AGBL3: variants seen among roughly 807,000 people sequenced by gnomAD.
AGBL3 encodes AGBL carboxypeptidase 3.
In AGBL3, 68 loss-of-function variants were observed where a neutral mutation model predicts 94.5. The observed-to-expected ratio is 0.72, with a 90% CI of 0.59 to 0.88. The LOEUF (loss-of-function observed/expected upper bound fraction) is 0.88, where lower values mean the gene tolerates loss of function less well. Among genes scored for constraint, AGBL3 ranks in the 40% least tolerant of loss-of-function variants. The pLI is 0.00. For synonymous variants in AGBL3, 354 were observed against 370.7 expected, an observed-to-expected ratio of 0.95 and a Z score of 0.52; for missense variants, 934 against 1,103.8, an observed-to-expected ratio of 0.85 and a Z score of 2.18.
chr7:135,024,319 T>C lies in AGBL3; in HGVS notation c.418+7160T>C, dbSNP rs533367110. On this transcript the variant is annotated intron_variant, in intron 5 of 16. Transcript: ENST00000436302. ...AAAGAGCCCTATGGCTAAGAGCTTC[T>C]CTGCTGGCCATTACTCTCAAGCACC... Among the ~76,000 whole-genome samples the C allele has an allele frequency of 7.2e-5, 11 of 152,330 alleles. No homozygotes were observed. In the East Asian group the frequency reaches 1.9e-3, roughly 27 times the overall value.
intron 15 of AGBL3, among the ~76,000 whole-genome samples, chr7:135,098,002 T>G (rs1189937415): frequency 3.3e-5 from 5 of 152,186 alleles, no homozygotes; most frequent in Non-Finnish European, 7.4e-5. Context: ...ACATTCAATG[T>G]GCTTTAGATA....
intron 4 of AGBL3, among the ~76,000 whole-genome samples, chr7:135,002,376 T>A (rs1267465532): frequency 6.6e-6 from 1 of 152,154 alleles, no homozygotes; most frequent in Non-Finnish European, 1.5e-5. Context: ...ATAACACTCA[T>A]GAAGTACTGC....
chr7:135,015,894 G>T (rs1309745753), intron 4 of AGBL3, among the ~76,000 whole-genome samples: 1 of 150,802 alleles, frequency 6.6e-6, no homozygotes, highest in East Asian at 1.9e-4. Context: ...AGCCGGGCGT[G>T]GTGGCAGGCG....
chr7:135,115,927 C>G, intron 16 of AGBL3: 1 of 196,438 alleles, frequency 5.1e-6, no homozygotes, highest in Non-Finnish European at 1.0e-5. Flanking sequence ...GCCTTATAAT[C>G]CTATGGGGTA....
intron 10 of AGBL3, 98 bp downstream of exon 10, chr7:135,045,672 C>A (rs1746779320): frequency 7.4e-7 from 1 of 1,347,416 alleles, no homozygotes; most frequent in Non-Finnish European, 1.0e-6. Flanking sequence ...AATGTCCCAA[C>A]AGTGTTGTTG....
intron 12 of AGBL3, among the ~76,000 whole-genome samples, chr7:135,064,439 T>C (rs1037301195): frequency 3.9e-5 from 6 of 152,176 alleles, no homozygotes; most frequent in African/African-American, 1.4e-4. Context: ...CCTCAAGTGG[T>C]TAGTAGGGTC....
At chr7:134,997,640 T>C (rs1811177186) in intron 4 of AGBL3, among the ~76,000 whole-genome samples, 1 of 152,066 alleles carries the variant, frequency 6.6e-6, no homozygotes, top group Non-Finnish European at 1.5e-5. Flanking sequence ...ACCACCACAA[T>C]AAATCAATTG....
intron 3 of AGBL3, among the ~76,000 whole-genome samples, chr7:134,992,501 A>T (rs1005383171): frequency 6.6e-6 from 1 of 152,214 alleles, no homozygotes; most frequent in Non-Finnish European, 1.5e-5. Flanking sequence ...GTGTAAGCTC[A>T]TGATGGCAGG....
intron 4 of AGBL3, chr7:135,011,386 C>T (rs1399046443): frequency 6.6e-6 from 1 of 151,872 alleles, no homozygotes; most frequent in Admixed American, 6.6e-5. Flanking sequence ...ACAGAAAATA[C>T]CCTAAACCAT....
At chr7:135,088,776 T>G (rs1821538623) in intron 15 of AGBL3, among the ~76,000 whole-genome samples, 1 of 152,206 alleles carries the variant, frequency 6.6e-6, no homozygotes, top group Non-Finnish European at 1.5e-5. Flanking sequence ...TGTGACTTGA[T>G]GCTTTTCTCT....
intron 15 of AGBL3, among the ~76,000 whole-genome samples, chr7:135,107,109 T>C (rs1585153528): frequency 6.6e-6 from 1 of 152,058 alleles, no homozygotes; most frequent in African/African-American, 2.4e-5. Flanking sequence ...TTTTCTTCTT[T>C]ATTAGTCTAG....
chr7:135,045,430 T>A, intron 9 of AGBL3, 44 bp from the exon 10 acceptor site: 1 of 1,467,272 alleles, frequency 6.8e-7, no homozygotes, highest in Non-Finnish European at 9.3e-7. Flanking sequence ...TAAGAAAAAT[T>A]ATTAACTTAC....
chr7:135,017,288 T>A, intron 5 of AGBL3, 129 bp downstream of exon 5: 1 of 693,118 alleles, frequency 1.4e-6, no homozygotes, highest in Non-Finnish European at 2.5e-6. Flanking sequence ...AAGATGTTTG[T>A]TTATATATTG....
At chr7:135,117,889 T>A (rs945587855) in intron 16 of AGBL3, among the ~76,000 whole-genome samples, 4 of 152,204 alleles carry the variant, frequency 2.6e-5, no homozygotes, top group African/African-American at 4.8e-5. Flanking sequence ...TGGTTGCCAA[T>A]CAGATTATCT....
chr7:135,009,186 G>A (rs1042035390), intron 4 of AGBL3, among the ~76,000 whole-genome samples: 1 of 152,130 alleles, frequency 6.6e-6, no homozygotes, highest in African/African-American at 2.4e-5. Context: ...AAACGTTAAC[G>A]GCAGCATTTT....
rs1054721871 is a variant in AGBL3 at position 135,066,877 on chromosome 7, CGGACAGTGGGTGCA to C, written c.1908+7658_1908+7671del. Reference sequence around the variant, plus strand: ...ACAGGGTTCATCTCAATGGGGATGTCGGACAGTGGGTGCAGGACAGTGGGTGCAGTGCACCGAGC... The same window carrying C: ...ACAGGGTTCATCTCAATGGGGATGTCGGACAGTGGGTGCAGTGCACCGAGC... On this transcript the variant is annotated intron_variant, in intron 12 of 16. Coordinates refer to ENST00000436302, the MANE Select transcript of AGBL3 (RefSeq NM_178563.4). Among the ~76,000 whole-genome samples, 14 of 152,280 alleles carry C rather than the reference CGGACAGTGGGTGCA, an allele frequency of 9.2e-5. No homozygotes were observed. The South Asian group carries it at 1.0e-3, about 11-fold the overall frequency.
intron 4 of AGBL3, among the ~76,000 whole-genome samples, chr7:135,004,194 A>G (rs1402386909): frequency 6.6e-6 from 1 of 151,678 alleles, no homozygotes; most frequent in Non-Finnish European, 1.5e-5. Context: ...GGGTAGAGGG[A>G]TTATGATATT....
intron 4 of AGBL3, among the ~76,000 whole-genome samples, chr7:135,001,327 A>C (rs1811687724): frequency 1.3e-5 from 2 of 152,060 alleles, no homozygotes; most frequent in Non-Finnish European, 2.9e-5. Flanking sequence ...CCCCCTTTCC[A>C]TTTTAACCAC....
intron 5 of AGBL3, among the ~76,000 whole-genome samples, chr7:135,028,488 C>G (rs1320852928): frequency 6.6e-6 from 1 of 152,174 alleles, no homozygotes; most frequent in Non-Finnish European, 1.5e-5. Context: ...AACTCTTTAT[C>G]CAATTCAAGT....
Sources: gnomAD v4.1 joint callset for allele counts (sites outside exome capture counted in the v4.1 genomes callset) on GRCh38, gnomAD v4.1.1 for gene constraint, MANE v1.5 for transcripts, NCBI Gene and HGNC (gene_info 2026-07-23, HGNC 2026-07-21) for gene names.